The following IL34 variants were observed in gnomAD, a reference collection of about 807,000 sequenced individuals.
IL34 encodes interleukin-34.
A neutral mutation model predicts 25.3 loss-of-function variants in IL34; 17 were observed. That is an observed-to-expected ratio of 0.67 (90% CI 0.46 to 1.01). IL34 has a LOEUF of 1.01. Ranked by LOEUF, IL34 falls within the 50% of genes least tolerant of loss-of-function variation. IL34 has a pLI of 0.00. For synonymous variants in IL34, 174 were observed against 140.9 expected, an observed-to-expected ratio of 1.23 and a Z score of -1.66; for missense variants, 368 against 312.9, an observed-to-expected ratio of 1.18 and a Z score of -1.33.
intron 1 of IL34, among the ~76,000 whole-genome samples, chr16:70,593,811 G>C (rs1475253665): frequency 6.6e-6 from 1 of 152,162 alleles, no homozygotes; most frequent in South Asian, 2.1e-4. Flanking sequence ...AGAGGTGTGA[G>C]CTAGTGTACC....
chr16:70,659,925 C>CAA, intron 5 of IL34, 72 bp from the exon 6 acceptor site: 1 of 1,489,332 alleles, frequency 6.7e-7, no homozygotes, highest in African/African-American at 1.4e-5. Context: ...CAAGCACATG[C>CAA]GGCTTGGCTT....
At chr16:70,619,383 G>T (rs2051230943) in intron 1 of IL34, among the ~76,000 whole-genome samples, 1 of 152,114 alleles carries the variant, frequency 6.6e-6, no homozygotes, top group African/African-American at 2.4e-5. Flanking sequence ...AGATATAGCT[G>T]TAGTCCAGGA....
At chr16:70,628,783 G>A (rs948463602) in intron 1 of IL34, among the ~76,000 whole-genome samples, 1 of 141,886 alleles carries the variant, frequency 7.0e-6, no homozygotes, top group Non-Finnish European at 1.5e-5. Flanking sequence ...CATCACACCT[G>A]GTCTTTTTTT....
At chr16:70,620,531 G>A (rs1432091537) in intron 1 of IL34, among the ~76,000 whole-genome samples, 1 of 152,084 alleles carries the variant, frequency 6.6e-6, no homozygotes, top group East Asian at 1.9e-4. Context: ...GGTCAGATGG[G>A]TCTGTAGAAA....
intron 1 of IL34, among the ~76,000 whole-genome samples, chr16:70,586,783 C>T (rs1349343646): frequency 6.6e-6 from 1 of 152,196 alleles, no homozygotes; most frequent in Non-Finnish European, 1.5e-5. Context: ...CCCCATTTTA[C>T]AGATGAAGAA....
intron 1 of IL34, among the ~76,000 whole-genome samples, chr16:70,653,917 T>C (rs187481512): frequency 1.3e-5 from 2 of 152,272 alleles, no homozygotes; most frequent in East Asian, 3.9e-4. Context: ...CAAAGGATGG[T>C]AATGTTTCAG....
intron 1 of IL34, among the ~76,000 whole-genome samples, chr16:70,650,405 C>CT (rs1260832525): frequency 2.0e-5 from 3 of 152,104 alleles, no homozygotes; most frequent in Non-Finnish European, 4.4e-5. Context: ...GCTGTGTGCC[C>CT]ACCGTGTCAG....
intron 1 of IL34, among the ~76,000 whole-genome samples, chr16:70,595,445 C>T (rs915733534): frequency 1.3e-5 from 2 of 152,096 alleles, no homozygotes; most frequent in South Asian, 2.1e-4. Flanking sequence ...CTCAGCCTCT[C>T]GTGTAGCTGG....
intron 1 of IL34, among the ~76,000 whole-genome samples, chr16:70,590,843 C>T (rs539812687): frequency 2.6e-5 from 4 of 152,240 alleles, no homozygotes; most frequent in African/African-American, 7.2e-5. Flanking sequence ...CCTCTCCCTG[C>T]CCCCGCCCCT....
At chr16:70,626,041 C>T (rs1421808084) in intron 1 of IL34, among the ~76,000 whole-genome samples, 1 of 152,226 alleles carries the variant, frequency 6.6e-6, no homozygotes, top group Non-Finnish European at 1.5e-5. Context: ...GAAGAGACCA[C>T]CACACAGGCT....
intron 4 of IL34, chr16:70,657,330 C>A (rs1410299987): frequency 1.6e-5 from 9 of 577,444 alleles, no homozygotes; most frequent in Non-Finnish European, 2.4e-5. Flanking sequence ...GAGAGCCGGG[C>A]TCGGGGTGCA....
chr16:70,641,274 A>AAAC (rs33927526), intron 1 of IL34, among the ~76,000 whole-genome samples: 83,604 of 151,294 alleles, frequency 0.55, 25,854 homozygotes, highest in African/African-American at 0.85. Flanking sequence ...CTTCATCTCA[A>AAAC]AACAACAACA....
At chr16:70,659,417 A>C (rs376543316) in intron 4 of IL34, among the ~76,000 whole-genome samples, 1 of 152,286 alleles carries the variant, frequency 6.6e-6, no homozygotes, top group African/African-American at 2.4e-5. Flanking sequence ...TGAGTTGTAC[A>C]TGGGTGAGTG....
chr16:70,598,091 C>T (rs1194801552), intron 1 of IL34, among the ~76,000 whole-genome samples: 1 of 152,070 alleles, frequency 6.6e-6, no homozygotes, highest in Non-Finnish European at 1.5e-5. Context: ...GGTGATCTGC[C>T]CTCTTCAGCC....
chr16:70,604,379 G>C (rs2050965032), intron 1 of IL34, among the ~76,000 whole-genome samples: 1 of 152,190 alleles, frequency 6.6e-6, no homozygotes, highest in Non-Finnish European at 1.5e-5. Flanking sequence ...AATTTGAGGA[G>C]GAGTTTCTCA....
At chr16:70,626,445 G>A (rs908340270) in intron 1 of IL34, among the ~76,000 whole-genome samples, 1 of 152,144 alleles carries the variant, frequency 6.6e-6, no homozygotes, top group African/African-American at 2.4e-5. Context: ...TGCCCAGGCT[G>A]GAATGGAATG....
In IL34 at chr16:70,646,969, C is replaced by T. The variant is rs376123115; in HGVS notation, c.22C>T (p.Leu8=). The change falls in exon 1 of 6, where the codon CTG becomes TTG. Residue 8 remains leucine (L), a synonymous_variant. Transcript: ENST00000288098. MPRGFTW[L]RYLGIFLGVA... ...CACCATGCCCCGGGGCTTCACCTGGCTGCGCTGTGAGTACTGGGGGGTCCC... is the reference window on the plus strand; with the variant it reads ...CACCATGCCCCGGGGCTTCACCTGGTTGCGCTGTGAGTACTGGGGGGTCCC... 2.7e-6 allele frequency: 4 copies of T among 1,462,624 alleles called. No individual in the cohort carries two copies. The African/African-American group carries it at 6.0e-5, about 22-fold the overall frequency. 90.6% of individuals were successfully genotyped at this position (1,462,624 alleles called of 1,614,324 possible). A position where few individuals can be genotyped will look rare whatever the true frequency, so the allele number is the denominator to read the frequency against.
intron 1 of IL34, among the ~76,000 whole-genome samples, chr16:70,612,401 C>T (rs544119956): frequency 3.7e-4 from 56 of 152,014 alleles, no homozygotes; most frequent in African/African-American, 1.2e-3. Flanking sequence ...GAATACGGTG[C>T]AGAGGCCAAG....
intron 1 of IL34, among the ~76,000 whole-genome samples, chr16:70,626,950 C>G (rs891976674): frequency 6.6e-6 from 1 of 152,072 alleles, no homozygotes; most frequent in Non-Finnish European, 1.5e-5. Context: ...CATGTTCATT[C>G]AAGTTCCCAC....
Sources: gnomAD v4.1 joint callset for allele counts (sites outside exome capture counted in the v4.1 genomes callset) on GRCh38, gnomAD v4.1.1 for gene constraint, MANE v1.5 for transcripts, NCBI Gene and HGNC (gene_info 2026-07-23, HGNC 2026-07-21) for gene names.